The following UNC93A variants were observed in gnomAD, a reference collection of about 807,000 sequenced individuals.
The protein encoded by UNC93A is unc-93 homolog A.
In UNC93A, 43 loss-of-function variants were observed where a neutral mutation model predicts 47.5. The ratio of observed to expected loss-of-function variants is 0.91; its 90% confidence interval spans 0.71 to 1.17. The LOEUF (loss-of-function observed/expected upper bound fraction) is 1.17. Among genes scored for constraint, UNC93A ranks in the 50% most tolerant of loss-of-function variants. UNC93A has a pLI of 0.00. For missense variants in UNC93A, 605 were observed against 577.6 expected (o/e 1.05, Z -0.49); for synonymous variants, 280 against 258.0 (o/e 1.09, Z -0.82).
upstream of UNC93A, among the ~76,000 whole-genome samples, chr6:167,288,956 A>T (rs1161550572): frequency 6.6e-6 from 1 of 152,294 alleles, no homozygotes. Context: ...AGATCTACAG[A>T]ACCACCTCTT....
intron 1 of UNC93A, among the ~76,000 whole-genome samples, chr6:167,293,442 C>T (rs545221482): frequency 2.6e-5 from 4 of 152,284 alleles, no homozygotes; most frequent in South Asian, 2.1e-4. Flanking sequence ...AGCATGCGGA[C>T]GTGCTTTAAC....
At chr6:167,298,441 G>A (rs1410013832) in intron 4 of UNC93A, 2 of 160,382 alleles carry the variant, frequency 1.2e-5, no homozygotes, top group African/African-American at 4.8e-5. Context: ...AGACAGCTTG[G>A]TGGCTGGCTA....
intron 4 of UNC93A, chr6:167,298,492 G>A (rs906580758): frequency 1.3e-5 from 2 of 154,178 alleles, no homozygotes; most frequent in Admixed American, 6.5e-5. Context: ...CTGTGGCCAA[G>A]GGGCCCTGAA....
chr6:167,280,649 T>G (rs1270259873), intron 1 of UNC93A, among the ~76,000 whole-genome samples: 1 of 152,164 alleles, frequency 6.6e-6, no homozygotes, highest in Non-Finnish European at 1.5e-5. Context: ...TGTGGGTCCC[T>G]TTGCTGGCTG....
chr6:167,278,429 G>A (rs550917716), intron 1 of UNC93A, among the ~76,000 whole-genome samples: 1 of 152,196 alleles, frequency 6.6e-6, no homozygotes, highest in South Asian at 2.1e-4. Flanking sequence ...TGAGGCTGCA[G>A]CACCACAACT....
At chr6:167,272,579 G>A (rs1783466865) in intron 1 of UNC93A, among the ~76,000 whole-genome samples, 1 of 152,224 alleles carries the variant, frequency 6.6e-6, no homozygotes. Context: ...GGAGACATGA[G>A]ACTTCAATCA....
chr6:167,291,886 G>A (rs1198192697), intron 1 of UNC93A, among the ~76,000 whole-genome samples: 1 of 152,196 alleles, frequency 6.6e-6, no homozygotes, highest in Non-Finnish European at 1.5e-5. Flanking sequence ...GGAGACACAG[G>A]AAAAGTCATT....
At chr6:167,303,032 T>A (rs529942814) in intron 4 of UNC93A, among the ~76,000 whole-genome samples, 2 of 152,100 alleles carry the variant, frequency 1.3e-5, no homozygotes, top group African/African-American at 2.4e-5. Context: ...GCTGTCAGAG[T>A]GAAAATCCGT....
chr6:167,296,032 G>A lies in UNC93A; in HGVS notation c.270G>A (p.Trp90Ter), dbSNP rs778777976. The change falls in exon 3 of 8, where the codon TGG becomes TGA. Residue 90 changes from tryptophan (W) to a stop codon, truncating the protein, a stop_gained and splice_region_variant. Coordinates refer to ENST00000230256, the MANE Select transcript of UNC93A (RefSeq NM_018974.4). LOFTEE classifies it high-confidence loss of function. ...AFSVGNFFASWYTLIPTSILL... is the reference protein window; with the variant it reads ...AFSVGNFFAS ...CTATGGGTCTGCATTTTACCCACAG[G>A]TACACTTTGATCCCCACCTCCATAC... is the stretch of plus-strand genomic sequence containing the variant. 1.2e-6 allele frequency: 2 copies of A among 1,613,962 alleles called. No homozygotes were observed. The highest frequency in any genetic ancestry group is 1.1e-5 in the South Asian group (1 of 91,060).
chr6:167,279,118 C>T (rs1242191111), intron 1 of UNC93A, among the ~76,000 whole-genome samples: 4 of 152,184 alleles, frequency 2.6e-5, no homozygotes, highest in African/African-American at 9.7e-5. Context: ...CTAGTTAAGA[C>T]ATACTTATTA....
At chr6:167,277,048 C>T (rs1783555625) in intron 1 of UNC93A, among the ~76,000 whole-genome samples, 3 of 152,252 alleles carry the variant, frequency 2.0e-5, no homozygotes, top group East Asian at 1.9e-4. Flanking sequence ...CCACCACAGA[C>T]TCCCCTGATG....
chr6:167,306,433 T>C (rs1339527631), intron 6 of UNC93A, among the ~76,000 whole-genome samples: 1 of 152,220 alleles, frequency 6.6e-6, no homozygotes, highest in African/African-American at 2.4e-5. Flanking sequence ...GGGGCAGCTC[T>C]GTTCCACATC....
intron 3 of UNC93A, 28 bp from the exon 4 acceptor site, chr6:167,297,917 A>G: frequency 1.2e-6 from 2 of 1,610,088 alleles, no homozygotes; most frequent in Non-Finnish European, 1.7e-6. Context: ...CCGTCATCTC[A>G]TGTCTCCTGT....
At chr6:167,313,202 T>C (rs1223577678) in intron 7 of UNC93A, among the ~76,000 whole-genome samples, 1 of 152,162 alleles carries the variant, frequency 6.6e-6, no homozygotes, top group Non-Finnish European at 1.5e-5. Context: ...ACCTTCTGGG[T>C]CCCCAAGTCC....
chr6:167,311,180 A>G (rs1778545288), intron 7 of UNC93A, among the ~76,000 whole-genome samples: 1 of 152,238 alleles, frequency 6.6e-6, no homozygotes, highest in Admixed American at 6.5e-5. Flanking sequence ...CTTTAAGAAC[A>G]TATGTGGACC....
Position 167,313,509 on chromosome 6 carries a change from G to T in UNC93A, c.1109-1678G>T, listed in dbSNP as rs551443756. 7.6e-4 allele frequency among the ~76,000 whole-genome samples: 116 copies of T among 152,164 alleles called. 2 individuals are homozygous for T. Among genetic ancestry groups the T allele is most frequent in the Middle Eastern group, 6.8e-3 (2 of 294 alleles). ...ACTTGACGAAGGGAGATGGTGGGGG[G>T]GCTGGGGGAGTGGAGTGAGTCCCTT... On this transcript the variant is annotated intron_variant, in intron 7 of 7. Coordinates refer to ENST00000230256, the MANE Select transcript of UNC93A (RefSeq NM_018974.4).
chr6:167,296,179 C>A lies in UNC93A; in HGVS notation c.417C>A (p.Gly139=). The change falls in exon 3 of 8, where the codon GGC becomes GGA. Residue 139 remains glycine, a synonymous_variant. Transcript: ENST00000230256. The part of the protein sequence containing the change: ...RGKDMVNQYF[G]IFFLIFQSSG... The stretch of plus-strand genomic sequence containing the variant: ...AAGACATGGTGAACCAGTATTTTGG[C>A]ATCTTCTTCCTCATATTCCAGTCAT... 6.2e-7 allele frequency: 1 copy of A among 1,614,226 alleles called. No homozygotes were observed. The highest frequency in any genetic ancestry group is 1.1e-5 in the South Asian group (1 of 91,092).
chr6:167,315,523 G>A lies in UNC93A; in HGVS notation c.*71G>A. The A allele has an allele frequency of 1.9e-6, 3 of 1,610,214 alleles. No homozygotes were observed. Among genetic ancestry groups the A allele is most frequent in the Non-Finnish European group, 2.5e-6 (3 of 1,178,934 alleles). ...AGAATTTTCTTAGAAGATGCCTCAGGACATAGAGCGGCTCCTCATCACCAT... is the reference window on the plus strand; with the variant it reads ...AGAATTTTCTTAGAAGATGCCTCAGAACATAGAGCGGCTCCTCATCACCAT... On this transcript the variant is annotated 3_prime_UTR_variant, in exon 8 of 8. Coordinates refer to ENST00000230256, the MANE Select transcript of UNC93A (RefSeq NM_018974.4).
At chr6:167,284,334 C>T (rs983943687) in intron 1 of UNC93A, among the ~76,000 whole-genome samples, 5 of 151,914 alleles carry the variant, frequency 3.3e-5, no homozygotes, top group African/African-American at 1.2e-4. Context: ...TGGCCCAGTG[C>T]ATGACATGCA....
Sources: allele counts gnomAD v4.1 joint callset (sites outside exome capture counted in the v4.1 genomes callset), GRCh38; gene constraint gnomAD v4.1.1; transcripts MANE v1.5; gene names NCBI Gene and HGNC (gene_info 2026-07-23, HGNC 2026-07-21).